Variants in EPHA4 observed in about 807,000 individuals in gnomAD.
EPHA4 encodes the protein ephrin type-A receptor 4.
A neutral mutation model predicts 108.3 loss-of-function variants in EPHA4; 19 were observed. The ratio of observed to expected loss-of-function variants is 0.18; its 90% CI spans 0.12 to 0.26. EPHA4 has a LOEUF of 0.26. Ranked by LOEUF, EPHA4 falls within the 10% of genes least tolerant of loss-of-function variation. The probability of loss-of-function intolerance (pLI) is 1.00; values close to 1 mark genes in which losing one functional copy is unlikely to be tolerated. For missense variants in EPHA4, 917 were observed against 1,254.0 expected (o/e 0.73, Z 4.06); for synonymous variants, 449 against 455.5 (o/e 0.99, Z 0.18).
chr2:221,436,688 T>C, intron 12 of EPHA4, 80 bp from the exon 13 acceptor site: 1 of 1,398,352 alleles, frequency 7.2e-7, no homozygotes, highest in South Asian at 1.2e-5. Flanking sequence ...TACTTGAATC[T>C]TTTTGGGTAT....
intron 17 of EPHA4, among the ~76,000 whole-genome samples, chr2:221,423,617 C>A (rs1241793100): frequency 1.3e-5 from 2 of 152,130 alleles, no homozygotes; most frequent in Non-Finnish European, 2.9e-5. Context: ...TACAGAAATA[C>A]CTGCTGAGCA....
intron 3 of EPHA4, among the ~76,000 whole-genome samples, chr2:221,562,827 T>C (rs930347999): frequency 1.2e-4 from 19 of 152,122 alleles, no homozygotes; most frequent in African/African-American, 4.3e-4. Flanking sequence ...ATAAACTTTC[T>C]GTAAAGCAAA....
intron 3 of EPHA4, among the ~76,000 whole-genome samples, chr2:221,505,764 C>A (rs974066163): frequency 6.6e-6 from 1 of 152,154 alleles, no homozygotes; most frequent in African/African-American, 2.4e-5. Context: ...ACACATGCTA[C>A]TCTTGCAAAC....
At chr2:221,503,518 GA>G (rs370751035) in intron 3 of EPHA4, among the ~76,000 whole-genome samples, 2 of 152,258 alleles carry the variant, frequency 1.3e-5, no homozygotes, top group African/African-American at 4.8e-5. Context: ...GTGAATTTAA[GA>G]AAAAAGTGCA....
intron 3 of EPHA4, among the ~76,000 whole-genome samples, chr2:221,512,427 C>T (rs1485229761): frequency 1.3e-5 from 2 of 152,212 alleles, no homozygotes; most frequent in East Asian, 1.9e-4. Flanking sequence ...CCACCGCTAG[C>T]ACATCGCAGC....
chr2:221,512,130 ACT>A (rs1251896706), intron 3 of EPHA4, among the ~76,000 whole-genome samples: 1 of 152,114 alleles, frequency 6.6e-6, no homozygotes, highest in Admixed American at 6.5e-5. Flanking sequence ...TAATTGAATG[ACT>A]CTATAATAAT....
intron 15 of EPHA4, 113 bp from the exon 16 acceptor site, chr2:221,426,732 T>A (rs1689924696): frequency 4.3e-6 from 4 of 937,864 alleles, no homozygotes. Context: ...AAGGGAAGGT[T>A]TTAAATGGAA....
chr2:221,515,746 G>C (rs1272872399), intron 3 of EPHA4, among the ~76,000 whole-genome samples: 1 of 152,150 alleles, frequency 6.6e-6, no homozygotes, highest in Non-Finnish European at 1.5e-5. Flanking sequence ...GAGCCCAGGA[G>C]GTCAAGGCCT....
At chr2:221,498,269 C>A (rs1024434492) in intron 4 of EPHA4, among the ~76,000 whole-genome samples, 9 of 152,134 alleles carry the variant, frequency 5.9e-5, no homozygotes, top group Admixed American at 1.3e-4. Context: ...AAATCTCAAC[C>A]TAGAGAAGGC....
intron 4 of EPHA4, among the ~76,000 whole-genome samples, chr2:221,490,258 TAAA>T (rs796139643): frequency 8.6e-6 from 1 of 116,066 alleles, no homozygotes; most frequent in Non-Finnish European, 1.9e-5. Context: ...TGCTAAAATG[TAAA>T]AAAAAAAAAA....
intron 3 of EPHA4, among the ~76,000 whole-genome samples, chr2:221,519,850 A>C (rs894801520): frequency 6.6e-6 from 1 of 152,144 alleles, no homozygotes; most frequent in African/African-American, 2.4e-5. Context: ...GCAAAGAAGC[A>C]TTCTATACTC....
rs570897103 is a variant in EPHA4, at chr2:221,438,469, T to C, written c.2075-1347A>G. 1.2e-4 allele frequency among the ~76,000 whole-genome samples: 18 copies of C among 151,768 alleles called. No homozygotes were observed. In the South Asian group the frequency reaches 3.7e-3, roughly 32 times the overall value. ...CCTAAAATATTCCTTTGGAAGAAAA[T>C]AAAATGTCAGTTTGATATACCAAAA... On this transcript the variant is annotated intron_variant, in intron 11 of 17. Transcript: ENST00000281821.
At chr2:221,427,861 T>C (rs1422383582) in intron 15 of EPHA4, among the ~76,000 whole-genome samples, 2 of 152,186 alleles carry the variant, frequency 1.3e-5, no homozygotes, top group Non-Finnish European at 2.9e-5. Flanking sequence ...ACTTGACTTG[T>C]ATTATTTCTT....
chr2:221,523,946 CTTTTG>C (rs1399338329), intron 3 of EPHA4, among the ~76,000 whole-genome samples: 4 of 152,042 alleles, frequency 2.6e-5, no homozygotes, highest in Admixed American at 2.6e-4. Flanking sequence ...ATTCAAACCC[CTTTTG>C]TTAAATTGAT....
chr2:221,425,234 A>C lies in EPHA4; in HGVS notation c.*794T>G, dbSNP rs1190020011. The C allele has an allele frequency of 6.6e-6, 1 of 152,502 alleles. No homozygotes were observed. The highest frequency in any genetic ancestry group is 1.5e-5 in the Non-Finnish European group (1 of 68,024). The allele number at this position is 152,502 out of a possible 1,614,324, so 9.4% of individuals were successfully genotyped here. ...CTTGCAGATCTGGGGTCGCTTCTTT[A>C]AAGGAGCGAAGTGTGAACGTTCTCT... On this transcript the variant is annotated 3_prime_UTR_variant, in exon 17 of 18. Coordinates refer to ENST00000281821, the MANE Select transcript of EPHA4 (RefSeq NM_004438.5).
rs1235178263 is a variant in EPHA4 at position 221,544,811 on chromosome 2, A to C, written c.823+18920T>G. ...ATAAAGGTGAGATCTTATTCTGATA[A>C]GGCTAGTACCCTTACAAGAAAAGGA... On this transcript the variant is annotated intron_variant, in intron 3 of 17. Coordinates refer to ENST00000281821, the MANE Select transcript of EPHA4 (RefSeq NM_004438.5). Among the ~76,000 whole-genome samples, 5 of 152,168 alleles carry C rather than the reference A, an allele frequency of 3.3e-5. 1 individual carries two copies. The highest frequency in any genetic ancestry group is 3.3e-4 in the Admixed American group (5 of 15,288).
At position 221,436,413 on chromosome 2, in the gene EPHA4, C is replaced by T; in HGVS notation, c.2332G>A (p.Ala778Thr). The stretch of plus-strand genomic sequence containing the variant: ...ATCTTTCTTACCCTGGTGGTGTAAG[C>T]TGCTTCCGGATCATCCTCAAGCACT... The part of the protein sequence containing the change: ...SRVLEDDPEA[A>T]YTTRGGKIPI... Residue 778 changes from alanine (A) to threonine (T), a missense_variant, in exon 13 of 18, where the codon GCT (alanine) becomes ACT (threonine). Physicochemically the swap from Ala to Thr is moderately conservative, Grantham distance 58 (BLOSUM62 0). Around this residue, in one of 3 missense-constraint regions of EPHA4, gnomAD observed 758 missense variants for 1,076.7 expected, o/e 0.70. Transcript: ENST00000281821. 1.2e-6 allele frequency: 2 copies of T among 1,614,170 alleles called. No homozygotes were observed. The highest frequency in any genetic ancestry group is 1.7e-6 in the Non-Finnish European group (2 of 1,180,004).
At chr2:221,548,681 TAAGA>T (rs1694075818) in intron 3 of EPHA4, among the ~76,000 whole-genome samples, 2 of 152,074 alleles carry the variant, frequency 1.3e-5, no homozygotes, top group African/African-American at 2.4e-5. Flanking sequence ...AAAATAAAAA[TAAGA>T]AAGAGAGATG....
At chr2:221,505,977 A>G (rs1476902141) in intron 3 of EPHA4, among the ~76,000 whole-genome samples, 1 of 152,196 alleles carries the variant, frequency 6.6e-6, no homozygotes, top group Non-Finnish European at 1.5e-5. Context: ...TTCCCAGGTA[A>G]CAAATTTGCA....
Sources: gnomAD v4.1 joint callset for allele counts (sites outside exome capture counted in the v4.1 genomes callset) on GRCh38, gnomAD v4.1.1 for gene constraint, gnomAD v4.1.1 regional missense constraint, MANE v1.5 for transcripts, NCBI Gene and HGNC (gene_info 2026-07-23, HGNC 2026-07-21) for gene names.